VAV2: variants seen among roughly 807,000 people sequenced by gnomAD.
The protein encoded by VAV2 is guanine nucleotide exchange factor VAV2.
In VAV2, 67 loss-of-function variants were observed where a neutral mutation model predicts 132.5. That is an observed-to-expected ratio of 0.51 (90% CI 0.42 to 0.62). The LOEUF is 0.62. Among genes scored for constraint, VAV2 ranks in the 20% least tolerant of loss-of-function variants. The pLI, the probability that VAV2 is intolerant of heterozygous loss-of-function variation, is 0.00. For missense variants in VAV2, 938 were observed against 1,153.6 expected (o/e 0.81, Z 2.71); for synonymous variants, 492 against 443.5 (o/e 1.11, Z -1.37).
chr9:133,900,173 T>G (rs1330649885), intron 2 of VAV2, among the ~76,000 whole-genome samples: 1 of 151,904 alleles, frequency 6.6e-6, no homozygotes, highest in Non-Finnish European at 1.5e-5. Flanking sequence ...CACTCCAGCC[T>G]GGGTGACAGA....
In VAV2 at chr9:133,839,766, T is replaced by C. The variant is rs150562547; in HGVS notation, c.381-5426A>G. Reference sequence around the variant, plus strand: ...GCCCAGCCTACACGAGGAGGCATTTTCAAGGAGAGCTTGTAAGAGATCACA... The same window carrying C: ...GCCCAGCCTACACGAGGAGGCATTTCCAAGGAGAGCTTGTAAGAGATCACA... On this transcript the variant is annotated intron_variant, in intron 3 of 29. Transcript: ENST00000371850. Among the ~76,000 whole-genome samples the C allele has an allele frequency of 8.4e-3, 1,276 of 152,308 alleles. 35 individuals are homozygous for C. The highest frequency in any genetic ancestry group is 0.053 in the Admixed American group (808 of 15,296).
intron 6 of VAV2, 134 bp downstream of exon 6, chr9:133,810,057 A>C: frequency 7.7e-6 from 10 of 1,306,540 alleles, no homozygotes; most frequent in Admixed American, 2.1e-5. Context: ...CTGATGCCTG[A>C]AGTCATGTGT....
intron 2 of VAV2, among the ~76,000 whole-genome samples, chr9:133,880,272 C>A (rs924288055): frequency 2.0e-5 from 3 of 152,120 alleles, no homozygotes; most frequent in African/African-American, 2.4e-5. Context: ...GCAGGCAGCA[C>A]GGGGAGGGAG....
chr9:133,767,989 C>A (rs181168483), intron 29 of VAV2, among the ~76,000 whole-genome samples: 1 of 152,318 alleles, frequency 6.6e-6, no homozygotes, highest in East Asian at 1.9e-4. Flanking sequence ...TGGGGACACA[C>A]TGTGTCCCTA....
In VAV2 at chr9:133,919,095, C is replaced by A. The variant is rs942059449; in HGVS notation, c.321+20008G>T. Among the ~76,000 whole-genome samples the A allele has an allele frequency of 1.3e-5, 2 of 152,198 alleles. No individual in the cohort carries two copies. Among genetic ancestry groups the A allele is most frequent in the Admixed American group, 1.3e-4 (2 of 15,280 alleles). ...GCCGCCACCATGTTTTTAAAGACTT[C>A]CCCACATCCCATCCTCACACTTTCT... On this transcript the variant is annotated intron_variant, in intron 2 of 29. Coordinates refer to ENST00000371850, the MANE Select transcript of VAV2 (RefSeq NM_001134398.2). The surrounding 1 kb of genome is among the most constrained non-coding windows in gnomAD (Gnocchi z 5.8).
chr9:133,811,112 C>A (rs907300491), intron 5 of VAV2, among the ~76,000 whole-genome samples: 2 of 152,212 alleles, frequency 1.3e-5, no homozygotes, highest in African/African-American at 4.8e-5. Context: ...GCCCTGCTGC[C>A]TCCACAAAGG....
At chr9:133,951,185 C>A (rs1045165566) in intron 1 of VAV2, among the ~76,000 whole-genome samples, 2 of 152,232 alleles carry the variant, frequency 1.3e-5, no homozygotes, top group African/African-American at 4.8e-5. Context: ...CAGCCCTTGG[C>A]TATGGAGGCA....
At chr9:133,814,307 A>G (rs1326716173) in intron 4 of VAV2, among the ~76,000 whole-genome samples, 1 of 151,970 alleles carries the variant, frequency 6.6e-6, no homozygotes, top group Non-Finnish European at 1.5e-5. Context: ...CACAGCCCCC[A>G]CCTCTCTGCC....
At chr9:133,871,096 A>G (rs1272464678) in intron 2 of VAV2, among the ~76,000 whole-genome samples, 1 of 141,970 alleles carries the variant, frequency 7.0e-6, no homozygotes, top group Non-Finnish European at 1.5e-5. Context: ...GGGTGGGTGG[A>G]TGGATGGATG....
At chr9:133,977,893 C>A (rs1484942265) in intron 1 of VAV2, among the ~76,000 whole-genome samples, 1 of 152,222 alleles carries the variant, frequency 6.6e-6, no homozygotes, top group African/African-American at 2.4e-5. Flanking sequence ...TGCCCCTCAG[C>A]TGGCAAAGGG....
At chr9:133,855,241 G>A (rs1372067309) in intron 3 of VAV2, among the ~76,000 whole-genome samples, 1 of 152,254 alleles carries the variant, frequency 6.6e-6, no homozygotes, top group Non-Finnish European at 1.5e-5. Context: ...CTCACAGTGT[G>A]CAGAGAGGAT....
rs201998347 is a variant in VAV2, at chr9:133,796,538, A to T, written c.937-14T>A. 6.8e-6 allele frequency: 11 copies of T among 1,610,576 alleles called. No individual in the cohort carries two copies. The Admixed American group carries it at 1.7e-4, about 24-fold the overall frequency. Reference sequence around the variant, plus strand: ...CAGTGTGCACTCCTGGGAGGGCGACAGGGCGATGGGAGAGCCCTCCCCGAG... The same window carrying T: ...CAGTGTGCACTCCTGGGAGGGCGACTGGGCGATGGGAGAGCCCTCCCCGAG... On this transcript the variant is annotated splice_polypyrimidine_tract_variant and intron_variant, in intron 10 of 29. Transcript: ENST00000371850.
At chr9:133,771,551 G>A (rs1425166364) in intron 26 of VAV2, among the ~76,000 whole-genome samples, 1 of 152,202 alleles carries the variant, frequency 6.6e-6, no homozygotes, top group African/African-American at 2.4e-5. Context: ...TGGGACAGAG[G>A]GTGGGGGTGA....
intron 5 of VAV2, among the ~76,000 whole-genome samples, chr9:133,811,296 C>A (rs909619546): frequency 6.6e-6 from 1 of 152,270 alleles, no homozygotes. Flanking sequence ...TGGGCAAGGC[C>A]TCTTTAGGGA....
At position 133,930,375 on chromosome 9, in the gene VAV2, C is replaced by T. The variant is rs140739766; in HGVS notation, c.321+8728G>A. ...CTGGCCTCTTCACTACCCTCCCTGC[C>T]TCCTTGCTGCCTCCTGGCCTCCACA... is the stretch of plus-strand genomic sequence containing the variant. On this transcript the variant is annotated intron_variant, in intron 2 of 29. Transcript: ENST00000371850. Among the ~76,000 whole-genome samples the T allele has an allele frequency of 8.8e-3, 1,334 of 151,992 alleles. 13 individuals carry two copies. The highest frequency in any genetic ancestry group is 0.014 in the Non-Finnish European group (941 of 67,904).
chr9:133,946,795 C>G (rs1344682152), intron 1 of VAV2, among the ~76,000 whole-genome samples: 2 of 152,220 alleles, frequency 1.3e-5, no homozygotes, highest in African/African-American at 4.8e-5. Context: ...AGCTTGATTA[C>G]TATTCAACAG....
In VAV2 at chr9:133,883,209, G is replaced by A. The variant is rs1010772365; in HGVS notation, c.322-21777C>T. Among the ~76,000 whole-genome samples, 7 of 152,210 alleles carry A rather than the reference G, an allele frequency of 4.6e-5. No individual in the cohort carries two copies. Among genetic ancestry groups the A allele is most frequent in the Admixed American group, 3.3e-4 (5 of 15,292 alleles). On this transcript the variant is annotated intron_variant, in intron 2 of 29. Coordinates refer to ENST00000371850, the MANE Select transcript of VAV2 (RefSeq NM_001134398.2). The surrounding 1 kb of genome is among the most constrained non-coding windows in gnomAD (Gnocchi z 4.2). Reference sequence around the variant, plus strand: ...CACACACCACTCCTGGAGCAGATGGGCCCTTCATCATTTGCTCATTTCACG... The same window carrying A: ...CACACACCACTCCTGGAGCAGATGGACCCTTCATCATTTGCTCATTTCACG...
intron 19 of VAV2, among the ~76,000 whole-genome samples, chr9:133,781,623 C>T (rs1165634708): frequency 1.3e-5 from 2 of 152,236 alleles, no homozygotes; most frequent in African/African-American, 4.8e-5. Flanking sequence ...CCAGCCTCGG[C>T]AGAGCCCAGG....
intron 1 of VAV2, among the ~76,000 whole-genome samples, chr9:133,943,466 C>T (rs998233158): frequency 2.6e-5 from 4 of 152,216 alleles, no homozygotes; most frequent in Non-Finnish European, 5.9e-5. Context: ...GAGCAAGCGG[C>T]ATTCTTCTCT....
Sources: gnomAD v4.1 joint callset for allele counts (sites outside exome capture counted in the v4.1 genomes callset) on GRCh38, gnomAD v4.1.1 for gene constraint, Gnocchi (gnomAD v3.1) non-coding constraint, MANE v1.5 for transcripts, NCBI Gene and HGNC (gene_info 2026-07-23, HGNC 2026-07-21) for gene names.